Variants in CDYL2 observed in about 807,000 individuals in gnomAD.
CDYL2 encodes the protein chromodomain Y-like protein 2.
A neutral mutation model predicts 49.4 loss-of-function variants in CDYL2; 23 were observed. The ratio of observed to expected loss-of-function variants is 0.47; its 90% CI spans 0.34 to 0.66. The LOEUF is 0.66. CDYL2 is among the 30% of genes least tolerant of loss of function. CDYL2 has a pLI of 0.01. For missense variants in CDYL2, 678 were observed against 656.4 expected (o/e 1.03, Z -0.36); for synonymous variants, 360 against 268.8 (o/e 1.34, Z -3.32).
intron 1 of CDYL2, among the ~76,000 whole-genome samples, chr16:80,798,527 T>A (rs1907833243): frequency 6.6e-6 from 1 of 152,238 alleles, no homozygotes; most frequent in African/African-American, 2.4e-5. Context: ...TCCTTATGAT[T>A]TTTCTTAATA....
chr16:80,647,741 A>G (rs112360760), intron 2 of CDYL2, among the ~76,000 whole-genome samples: 10 of 152,294 alleles, frequency 6.6e-5, no homozygotes, highest in African/African-American at 2.2e-4. Flanking sequence ...TCTCTTCTGT[A>G]GCACATGGAT....
intron 1 of CDYL2, among the ~76,000 whole-genome samples, chr16:80,705,285 T>C (rs1407240941): frequency 1.3e-5 from 2 of 152,238 alleles, no homozygotes; most frequent in Non-Finnish European, 2.9e-5. Context: ...CAGGGTCAGG[T>C]GGCTGGGAAA....
chr16:80,745,194 C>G (rs1905884257), intron 1 of CDYL2, among the ~76,000 whole-genome samples: 1 of 152,118 alleles, frequency 6.6e-6, no homozygotes, highest in African/African-American at 2.4e-5. Flanking sequence ...CCGAGGGTCC[C>G]CCAGCTAGAA....
intron 1 of CDYL2, among the ~76,000 whole-genome samples, chr16:80,782,978 G>A (rs1907321886): frequency 6.6e-6 from 1 of 152,064 alleles, no homozygotes. Flanking sequence ...GTTTAACACA[G>A]TACTGGAAGT....
In CDYL2 at chr16:80,727,406, G is replaced by A. The variant is rs184938403; in HGVS notation, c.25-42277C>T. Among the ~76,000 whole-genome samples the A allele has an allele frequency of 2.1e-4, 32 of 152,314 alleles. 1 individual carries two copies. The highest frequency in any genetic ancestry group is 3.4e-4 in the African/African-American group (14 of 41,574). Reference sequence around the variant, plus strand: ...TTTTCCGAGGGGCTTAAAAAACGGCGCACCAGGAGATTATATCCCGCACAT... The same window carrying A: ...TTTTCCGAGGGGCTTAAAAAACGGCACACCAGGAGATTATATCCCGCACAT... On this transcript the variant is annotated intron_variant, in intron 1 of 6. Transcript: ENST00000570137.
At chr16:80,648,378 T>C (rs1359329735) in intron 2 of CDYL2, among the ~76,000 whole-genome samples, 1 of 152,062 alleles carries the variant, frequency 6.6e-6, no homozygotes, top group Non-Finnish European at 1.5e-5. Flanking sequence ...AGCAATTATA[T>C]GCAATAAAGT....
Position 80,712,189 on chromosome 16 carries a change from G to GTACATATATATA in CDYL2, c.25-27061_25-27060insTATATATATGTA, listed in dbSNP as rs527296483. Among the ~76,000 whole-genome samples, 437 of 75,836 alleles carry GTACATATATATA rather than the reference G, an allele frequency of 5.8e-3. 5 individuals carry two copies. Among genetic ancestry groups the GTACATATATATA allele is most frequent in the African/African-American group, 0.014 (419 of 30,130 alleles). The allele number at this position is 75,836 out of a possible 152,430, so 49.8% of individuals were successfully genotyped here. A position where few individuals can be genotyped will look rare whatever the true frequency, so the allele number is the denominator to read the frequency against. ...TATATATGTGTCTTTGTGTCTGTGT[G>GTACATATATATA]TGTATATATATATATATATATATAT... On this transcript the variant is annotated intron_variant, in intron 1 of 6. Coordinates refer to ENST00000570137, the MANE Select transcript of CDYL2 (RefSeq NM_152342.4).
intron 1 of CDYL2, among the ~76,000 whole-genome samples, chr16:80,687,940 C>T (rs1350405274): frequency 5.9e-5 from 9 of 152,204 alleles, no homozygotes; most frequent in African/African-American, 1.4e-4. Context: ...GTTCCTCCAC[C>T]TTTCAGAATA....
chr16:80,627,015 T>C (rs1374464364), intron 3 of CDYL2, among the ~76,000 whole-genome samples: 3 of 152,148 alleles, frequency 2.0e-5, no homozygotes, highest in Non-Finnish European at 4.4e-5. Context: ...CTTTACTTTC[T>C]CCTACTTTAT....
chr16:80,657,025 C>G lies in CDYL2; in HGVS notation c.617-23789G>C, dbSNP rs115479862. On this transcript the variant is annotated intron_variant, in intron 2 of 6. Coordinates refer to ENST00000570137, the MANE Select transcript of CDYL2 (RefSeq NM_152342.4). The stretch of plus-strand genomic sequence containing the variant: ...CAGGTAGAGGCGAACACAAAACTAT[C>G]AGAGAGAGAGAGAAGGAACGAGAAA... 9.2e-3 allele frequency among the ~76,000 whole-genome samples: 1,405 copies of G among 152,046 alleles called. 24 individuals are homozygous for G. The highest frequency in any genetic ancestry group is 0.032 in the African/African-American group (1,334 of 41,470).
At chr16:80,761,450 G>C (rs1315247726) in intron 1 of CDYL2, among the ~76,000 whole-genome samples, 2 of 152,196 alleles carry the variant, frequency 1.3e-5, no homozygotes, top group African/African-American at 4.8e-5. Flanking sequence ...TCTAGTAAAA[G>C]TGCCCCAAGA....
intron 1 of CDYL2, among the ~76,000 whole-genome samples, chr16:80,720,483 A>G (rs1597097962): frequency 6.6e-6 from 1 of 152,334 alleles, no homozygotes; most frequent in East Asian, 1.9e-4. Flanking sequence ...TGACTCCAAC[A>G]GGAAATACTC....
intron 4 of CDYL2, among the ~76,000 whole-genome samples, chr16:80,616,839 C>T (rs900070082): frequency 2.0e-5 from 3 of 152,202 alleles, no homozygotes; most frequent in African/African-American, 7.2e-5. Context: ...ATTCTTTATC[C>T]TAGCAACACA....
chr16:80,737,084 C>A (rs905513036), intron 1 of CDYL2, among the ~76,000 whole-genome samples: 9 of 152,148 alleles, frequency 5.9e-5, no homozygotes, highest in Non-Finnish European at 1.0e-4. Context: ...CCTTTGCAGG[C>A]AGATCAGTTT....
chr16:80,804,486 C>G lies in CDYL2; in HGVS notation c.-313G>C, dbSNP rs1184257181. Among the ~76,000 whole-genome samples the G allele has an allele frequency of 6.9e-6, 1 of 144,684 alleles. No individual in the cohort carries two copies. The highest frequency in any genetic ancestry group is 2.5e-5 in the African/African-American group (1 of 40,432). The allele number at this position is 144,684 out of a possible 152,430, so 94.9% of individuals were successfully genotyped here. On this transcript the variant is annotated 5_prime_UTR_variant, in exon 1 of 7. Transcript: ENST00000570137. ...CACGGACGCGGCCCGAGCGCCGCGGCCCCCGCGACCCGGCGACCCGGCGGC... is the reference window on the plus strand; with the variant it reads ...CACGGACGCGGCCCGAGCGCCGCGGGCCCCGCGACCCGGCGACCCGGCGGC...
intron 1 of CDYL2, among the ~76,000 whole-genome samples, chr16:80,780,360 G>C (rs1046568094): frequency 1.3e-5 from 2 of 151,268 alleles, no homozygotes; most frequent in Non-Finnish European, 2.9e-5. Context: ...GGATATGCAA[G>C]GCTGTACATG....
intron 1 of CDYL2, among the ~76,000 whole-genome samples, chr16:80,770,404 T>C (rs975201391): frequency 2.0e-5 from 3 of 152,172 alleles, no homozygotes; most frequent in Non-Finnish European, 4.4e-5. Flanking sequence ...CTCCACACCA[T>C]GGTTTTCAAA....
intron 6 of CDYL2, among the ~76,000 whole-genome samples, chr16:80,607,380 G>T (rs1629): frequency 0.18 from 26,908 of 151,972 alleles, 4,521 homozygotes; most frequent in African/African-American, 0.42. Flanking sequence ...AGGGGCAAGG[G>T]TCTGGCCCCA....
At chr16:80,616,903 T>C (rs1335020561) in intron 4 of CDYL2, among the ~76,000 whole-genome samples, 1 of 152,204 alleles carries the variant, frequency 6.6e-6, no homozygotes, top group Non-Finnish European at 1.5e-5. Flanking sequence ...GATGAGCTAA[T>C]AGGCACAGAG....
Sources: gnomAD v4.1 joint callset for allele counts (sites outside exome capture counted in the v4.1 genomes callset) on GRCh38, gnomAD v4.1.1 for gene constraint, MANE v1.5 for transcripts, NCBI Gene and HGNC (gene_info 2026-07-23, HGNC 2026-07-21) for gene names.